The following IDE variants were observed in gnomAD, a reference collection of about 807,000 sequenced individuals.
IDE encodes the protein insulin degrading enzyme.
In IDE, 58 loss-of-function variants were observed where a neutral mutation model predicts 133.2. The ratio of observed to expected loss-of-function variants is 0.44; its 90% CI spans 0.35 to 0.54. IDE has a LOEUF of 0.54. Among genes scored for constraint, IDE ranks in the 20% least tolerant of loss-of-function variants. The probability of loss-of-function intolerance (pLI) is 0.00; values close to 1 mark genes in which losing one functional copy is unlikely to be tolerated. For missense variants in IDE, 981 were observed against 1,234.0 expected (o/e 0.79, Z 3.07); for synonymous variants, 396 against 421.3 (o/e 0.94, Z 0.73).
intron 1 of IDE, among the ~76,000 whole-genome samples, chr10:92,551,579 A>AG (rs1842783421): frequency 6.6e-6 from 1 of 151,754 alleles, no homozygotes; most frequent in South Asian, 2.1e-4. Flanking sequence ...AAAAAAAAAA[A>AG]AAAAAAGAAA....
At chr10:92,562,910 C>T (rs1346409262) in intron 1 of IDE, among the ~76,000 whole-genome samples, 3 of 152,148 alleles carry the variant, frequency 2.0e-5, no homozygotes, top group East Asian at 1.9e-4. Flanking sequence ...GAGGCCAAGG[C>T]GGGTGGATCA....
chr10:92,521,472 G>C (rs190346911), intron 4 of IDE, among the ~76,000 whole-genome samples: 84 of 151,880 alleles, frequency 5.5e-4, no homozygotes, highest in African/African-American at 1.9e-3. Context: ...TAAATTCCAA[G>C]AGGGGAGTGA....
intron 4 of IDE, among the ~76,000 whole-genome samples, 196 bp downstream of exon 4, chr10:92,531,552 C>A (rs542431511): frequency 6.6e-5 from 10 of 152,178 alleles, no homozygotes; most frequent in Admixed American, 3.3e-4. Context: ...CGTTTAGAAC[C>A]CTATTTGAAC....
chr10:92,539,805 C>G (rs1043102255), intron 1 of IDE, among the ~76,000 whole-genome samples: 1 of 151,996 alleles, frequency 6.6e-6, no homozygotes, highest in Non-Finnish European at 1.5e-5. Flanking sequence ...AGCCATAAGC[C>G]ACTAAAATTC....
At chr10:92,557,267 C>T (rs1439790556) in intron 1 of IDE, among the ~76,000 whole-genome samples, 2 of 151,918 alleles carry the variant, frequency 1.3e-5, no homozygotes, top group Non-Finnish European at 2.9e-5. Context: ...CCAGGCACGG[C>T]GGCTCACACC....
chr10:92,514,586 T>C (rs1428064719), intron 5 of IDE, among the ~76,000 whole-genome samples: 1 of 152,104 alleles, frequency 6.6e-6, no homozygotes, highest in Non-Finnish European at 1.5e-5. Flanking sequence ...AGGTGCAGAC[T>C]ACCACATCCC....
At chr10:92,501,975 T>TA (rs1368004299) in intron 11 of IDE, among the ~76,000 whole-genome samples, 7 of 150,400 alleles carry the variant, frequency 4.7e-5, no homozygotes, top group East Asian at 1.9e-4. Context: ...AAACTCCATC[T>TA]AAAAAAAAAT....
chr10:92,524,700 A>G, intron 4 of IDE, among the ~76,000 whole-genome samples: 1 of 146,912 alleles, frequency 6.8e-6, no homozygotes, highest in Admixed American at 7.4e-5. Flanking sequence ...AGGTGGGTGG[A>G]TCACCTGAGG....
intron 4 of IDE, among the ~76,000 whole-genome samples, chr10:92,530,697 A>C (rs1849874697): frequency 6.6e-6 from 1 of 152,186 alleles, no homozygotes; most frequent in East Asian, 1.9e-4. Flanking sequence ...CATTCTAAGA[A>C]CCACACTATT....
chr10:92,538,032 CCA>C (rs796848908), intron 1 of IDE, among the ~76,000 whole-genome samples: 35 of 152,082 alleles, frequency 2.3e-4, no homozygotes, highest in African/African-American at 8.4e-4. Context: ...AACACCACAC[CCA>C]GTTAATTTTT....
In IDE at chr10:92,487,445, T is replaced by C. The variant is rs1482618274; in HGVS notation, c.1534-127A>G. On this transcript the variant is annotated intron_variant, in intron 12 of 24. Transcript: ENST00000265986. The stretch of plus-strand genomic sequence containing the variant: ...TCACACAGCATTGTTTTCCATCATA[T>C]ATAAAAGAGGTACTACCAAATCTAT... 6 of 809,004 alleles carry C rather than the reference T, an allele frequency of 7.4e-6. No individual in the cohort carries two copies. The East Asian group carries it at 1.4e-4, about 19-fold the overall frequency. 50.1% of individuals were successfully genotyped at this position (809,004 alleles called of 1,614,324 possible).
intron 4 of IDE, among the ~76,000 whole-genome samples, chr10:92,529,355 A>C (rs1389501601): frequency 6.6e-6 from 1 of 152,212 alleles, no homozygotes; most frequent in Non-Finnish European, 1.5e-5. Flanking sequence ...TAATTCTAAA[A>C]TCAGAAGGTA....
At chr10:92,544,145 A>C (rs557939187) in intron 1 of IDE, among the ~76,000 whole-genome samples, 8 of 152,130 alleles carry the variant, frequency 5.3e-5, no homozygotes, top group African/African-American at 1.9e-4. Context: ...AGGCAGGAGA[A>C]TCACTTGAAC....
intron 14 of IDE, among the ~76,000 whole-genome samples, chr10:92,480,009 T>C (rs1162267885): frequency 6.6e-6 from 1 of 152,204 alleles, no homozygotes; most frequent in Non-Finnish European, 1.5e-5. Context: ...TTCTATCATA[T>C]AACAGCAGCC....
intron 1 of IDE, among the ~76,000 whole-genome samples, chr10:92,564,699 A>C (rs944967300): frequency 4.1e-4 from 59 of 143,126 alleles, no homozygotes; most frequent in Non-Finnish European, 7.8e-4. Context: ...AAAAAAAAAA[A>C]AAAAAAAAAA....
intron 1 of IDE, among the ~76,000 whole-genome samples, chr10:92,564,394 G>A (rs1040951681): frequency 1.1e-4 from 17 of 151,928 alleles, no homozygotes; most frequent in African/African-American, 3.4e-4. Context: ...GTACTAGGCC[G>A]GGCAAGGTAA....
At chr10:92,483,641 T>C (rs1184165474) in intron 13 of IDE, among the ~76,000 whole-genome samples, 1 of 152,178 alleles carries the variant, frequency 6.6e-6, no homozygotes, top group African/African-American at 2.4e-5. Flanking sequence ...TTCGTCTTTC[T>C]GGACACTAGG....
intron 20 of IDE, among the ~76,000 whole-genome samples, chr10:92,464,963 C>A (rs1845595594): frequency 6.6e-6 from 1 of 152,206 alleles, no homozygotes; most frequent in African/African-American, 2.4e-5. Flanking sequence ...AGCCACCGTG[C>A]CCGGCCAATA....
At chr10:92,500,190 G>A (rs755728003) in intron 11 of IDE, among the ~76,000 whole-genome samples, 16 of 151,908 alleles carry the variant, frequency 1.1e-4, no homozygotes, top group African/African-American at 2.7e-4. Flanking sequence ...CCAGCTACTC[G>A]GGAGGCTGAG....
Sources: allele counts gnomAD v4.1 joint callset (sites outside exome capture counted in the v4.1 genomes callset), GRCh38; gene constraint gnomAD v4.1.1; transcripts MANE v1.5; gene names NCBI Gene and HGNC (gene_info 2026-07-23, HGNC 2026-07-21).